The following TIAM1 variants were observed in gnomAD, a reference collection of about 807,000 sequenced individuals.
The protein encoded by TIAM1 is rho guanine nucleotide exchange factor TIAM1.
Under a neutral mutation model 163.5 loss-of-function variants are expected in TIAM1, and 65 were observed. The ratio of observed to expected loss-of-function variants is 0.40; its 90% CI spans 0.33 to 0.49. The LOEUF (loss-of-function observed/expected upper bound fraction) is 0.49, where lower values mean the gene tolerates loss of function less well. Ranked by LOEUF, TIAM1 falls within the 20% of genes least tolerant of loss-of-function variation. TIAM1 has a pLI of 0.77. For synonymous variants in TIAM1, 833 were observed against 810.1 expected, an observed-to-expected ratio of 1.03 and a Z score of -0.48; for missense variants, 1,789 against 2,044.7, an observed-to-expected ratio of 0.87 and a Z score of 2.41.
At chr21:31,198,108 A>C (rs1440467601) in intron 12 of TIAM1, among the ~76,000 whole-genome samples, 1 of 152,252 alleles carries the variant, frequency 6.6e-6, no homozygotes, top group Non-Finnish European at 1.5e-5. Flanking sequence ...GGTCAATAAC[A>C]AAAAACGTGG....
Position 31,154,438 on chromosome 21 carries a change from AG to A in TIAM1, c.2992-13del, listed in dbSNP as rs779990706. On this transcript the variant is annotated splice_polypyrimidine_tract_variant and intron_variant, in intron 16 of 27. Coordinates refer to ENST00000541036, the MANE Select transcript of TIAM1 (RefSeq NM_001353694.2). ...ACCTGTTCTGTACTCTTCGGAGCAC[AG>A]GGGGGAAGGGAAGGCAGAGGTCATT... The A allele has an allele frequency of 1.2e-6, 2 of 1,608,672 alleles. No homozygotes were observed. The highest frequency in any genetic ancestry group is 1.7e-6 in the Non-Finnish European group (2 of 1,176,336).
intron 2 of TIAM1, among the ~76,000 whole-genome samples, chr21:31,295,572 G>A (rs1400099948): frequency 6.6e-6 from 1 of 151,714 alleles, no homozygotes; most frequent in Non-Finnish European, 1.5e-5. Flanking sequence ...CAAAAGTTAG[G>A]TGCCATACGA....
rs978400123 is a variant in TIAM1 at position 31,296,064 on chromosome 21, A to G, written c.-188-19156T>C. ...CCCGCCTGCCTCAGCCTCCCAAAGT[A>G]TTGGGATTACAGGCGTGAGCCACCG... is the stretch of plus-strand genomic sequence containing the variant. On this transcript the variant is annotated intron_variant, in intron 2 of 27. Coordinates refer to ENST00000541036, the MANE Select transcript of TIAM1 (RefSeq NM_001353694.2). Among the ~76,000 whole-genome samples, 3 of 152,094 alleles carry G rather than the reference A, an allele frequency of 2.0e-5. No individual in the cohort carries two copies. In the East Asian group the frequency reaches 5.8e-4, roughly 29 times the overall value.
At chr21:31,292,869 A>G (rs2074082428) in intron 2 of TIAM1, among the ~76,000 whole-genome samples, 1 of 151,916 alleles carries the variant, frequency 6.6e-6, no homozygotes, top group Non-Finnish European at 1.5e-5. Context: ...TGGTTTCACC[A>G]TGTTGGCCAG....
At chr21:31,278,854 G>A (rs147456446) in intron 2 of TIAM1, among the ~76,000 whole-genome samples, 102 of 152,152 alleles carry the variant, frequency 6.7e-4, no homozygotes, top group African/African-American at 2.2e-3. Context: ...GCGAATTTCC[G>A]AATTTCCAAA....
chr21:31,252,280 G>A (rs2071857119), intron 4 of TIAM1, 91 bp from the exon 5 acceptor site: 5 of 1,392,770 alleles, frequency 3.6e-6, no homozygotes, highest in Non-Finnish European at 3.9e-6. Flanking sequence ...GTCCAGCCAG[G>A]GCTCTGTAGC....
chr21:31,313,589 T>A (rs1314530778), intron 2 of TIAM1, among the ~76,000 whole-genome samples: 1 of 152,208 alleles, frequency 6.6e-6, no homozygotes, highest in Non-Finnish European at 1.5e-5. Context: ...ACACTTTATT[T>A]TTTTTGAGAC....
At chr21:31,156,927 GCTGT>G (rs2083653815) in intron 16 of TIAM1, among the ~76,000 whole-genome samples, 1 of 152,196 alleles carries the variant, frequency 6.6e-6, no homozygotes, top group African/African-American at 2.4e-5. Context: ...AGTAACCACA[GCTGT>G]CTGTTTTTCA....
chr21:31,277,691 C>T (rs946776865), intron 2 of TIAM1, among the ~76,000 whole-genome samples: 1 of 152,160 alleles, frequency 6.6e-6, no homozygotes, highest in Admixed American at 6.5e-5. Context: ...AACCAGCAAC[C>T]CTCGGGGCTG....
At chr21:31,193,867 T>C (rs2284485) in intron 13 of TIAM1, among the ~76,000 whole-genome samples, 8,491 of 152,220 alleles carry the variant, frequency 0.056, 683 homozygotes, top group East Asian at 0.27. Flanking sequence ...CTTCTCTTTG[T>C]CAGCCATGCG....
intron 2 of TIAM1, among the ~76,000 whole-genome samples, chr21:31,417,597 C>T (rs1032456626): frequency 7.9e-5 from 12 of 152,284 alleles, no homozygotes; most frequent in African/African-American, 1.7e-4. Flanking sequence ...ATGGGAGCTA[C>T]AATTCAAGAT....
At chr21:31,437,085 T>C in intron 2 of TIAM1, among the ~76,000 whole-genome samples, 1 of 152,222 alleles carries the variant, frequency 6.6e-6, no homozygotes, top group East Asian at 1.9e-4. Flanking sequence ...TGGTAAAATA[T>C]CACATTATGG....
intron 6 of TIAM1, among the ~76,000 whole-genome samples, chr21:31,244,096 T>C (rs1306519777): frequency 6.6e-6 from 1 of 152,186 alleles, no homozygotes; most frequent in Non-Finnish European, 1.5e-5. Context: ...TACACTTATG[T>C]TGTGTGCACT....
At chr21:31,164,162 G>T (rs183827011) in intron 16 of TIAM1, among the ~76,000 whole-genome samples, 1 of 152,160 alleles carries the variant, frequency 6.6e-6, no homozygotes, top group African/African-American at 2.4e-5. Flanking sequence ...AGGCCAAGGC[G>T]GGTGGATCAC....
At chr21:31,311,713 A>G (rs2146991045) in intron 2 of TIAM1, among the ~76,000 whole-genome samples, 1 of 152,318 alleles carries the variant, frequency 6.6e-6, no homozygotes, top group Middle Eastern at 3.4e-3. Context: ...CTGCGGCCAG[A>G]AAGACAATGA....
chr21:31,208,007 G>A (rs1342981405), intron 11 of TIAM1, among the ~76,000 whole-genome samples: 1 of 152,210 alleles, frequency 6.6e-6, no homozygotes, highest in Non-Finnish European at 1.5e-5. Flanking sequence ...TTTACTGTTG[G>A]AGAAAGGGAT....
Position 31,490,594 on chromosome 21 carries a change from G to A in TIAM1, c.-421-26559C>T, listed in dbSNP as rs183627997. On this transcript the variant is annotated intron_variant, in intron 1 of 28. Coordinates refer to the TIAM1 transcript ENST00000286827. ...CCCAGCCCCAGCCTGAAATAAGCCA[G>A]ATATAAACCAATGAGAGCCTCCCAT... 7.6e-4 allele frequency among the ~76,000 whole-genome samples: 116 copies of A among 152,288 alleles called. No homozygotes were observed. In the Middle Eastern group the frequency reaches 0.01, roughly 13 times the overall value.
At chr21:31,210,592 A>AAGAAAG (rs1162520566) in intron 10 of TIAM1, among the ~76,000 whole-genome samples, 1,350 of 88,666 alleles carry the variant, frequency 0.015, 63 homozygotes, top group East Asian at 0.063. Flanking sequence ...GAAAGAAAGA[A>AAGAAAG]AGAGAGAAAG....
chr21:31,532,865 G>A (rs1569417028), intron 1 of TIAM1, among the ~76,000 whole-genome samples: 1 of 152,152 alleles, frequency 6.6e-6, no homozygotes, highest in Non-Finnish European at 1.5e-5. Flanking sequence ...AAGGATCCTT[G>A]TGTCCTGTAG....
Sources: allele counts gnomAD v4.1 joint callset (sites outside exome capture counted in the v4.1 genomes callset), GRCh38; gene constraint gnomAD v4.1.1; transcripts MANE v1.5; gene names NCBI Gene and HGNC (gene_info 2026-07-23, HGNC 2026-07-21).